RABGAP1: variants seen among roughly 807,000 people sequenced by gnomAD.
RABGAP1 encodes RAB GTPase activating protein 1.
A neutral mutation model predicts 137.6 loss-of-function variants in RABGAP1; 23 were observed. The observed-to-expected ratio is 0.17, with a 90% CI of 0.12 to 0.24. The LOEUF (loss-of-function observed/expected upper bound fraction) is 0.24, where lower values mean the gene tolerates loss of function less well. Ranked by LOEUF, RABGAP1 falls within the 10% of genes least tolerant of loss-of-function variation. The pLI is 1.00. For synonymous variants in RABGAP1, 451 were observed against 450.7 expected, an observed-to-expected ratio of 1.00 and a Z score of -0.01; for missense variants, 906 against 1,275.8, an observed-to-expected ratio of 0.71 and a Z score of 4.42.
chr9:122,946,139 A>C (rs28361534), intron 1 of RABGAP1: 1 of 152,160 alleles, frequency 6.6e-6, no homozygotes, highest in Non-Finnish European at 1.5e-5. Context: ...ACGAGATAGC[A>C]TACTGGAAGG....
chr9:122,942,469 AGACCAGCCTGT>A (rs1436992308), intron 1 of RABGAP1, among the ~76,000 whole-genome samples: 1 of 152,158 alleles, frequency 6.6e-6, no homozygotes, highest in Non-Finnish European at 1.5e-5. Context: ...CAGGAGTTCG[AGACCAGCCTGT>A]CCAATATGGT....
chr9:122,979,200 T>C (rs1051360950), intron 2 of RABGAP1, among the ~76,000 whole-genome samples: 5 of 152,176 alleles, frequency 3.3e-5, no homozygotes, highest in African/African-American at 1.2e-4. Context: ...GCCCAGACTA[T>C]AGTCATTCTT....
intron 4 of RABGAP1, 72 bp from the exon 5 acceptor site, chr9:122,989,225 A>G (rs1297894656): frequency 2.2e-6 from 3 of 1,362,930 alleles, no homozygotes; most frequent in South Asian, 2.4e-5. Flanking sequence ...AATGAGTCTC[A>G]CATCTTAATC....
intron 13 of RABGAP1, among the ~76,000 whole-genome samples, chr9:123,063,912 C>T (rs1262245992): frequency 6.6e-6 from 1 of 151,816 alleles, no homozygotes; most frequent in Non-Finnish European, 1.5e-5. Context: ...ATTTATAATT[C>T]ATATCTCATA....
chr9:122,969,813 A>G (rs1311891638), intron 2 of RABGAP1, among the ~76,000 whole-genome samples: 1 of 152,158 alleles, frequency 6.6e-6, no homozygotes, highest in Admixed American at 6.5e-5. Flanking sequence ...TGATCCTCCC[A>G]CACTGACCTC....
chr9:122,981,738 A>T (rs577709762), intron 2 of RABGAP1, among the ~76,000 whole-genome samples: 2 of 152,314 alleles, frequency 1.3e-5, no homozygotes, highest in East Asian at 3.9e-4. Context: ...CTTAAAAATA[A>T]AAAAGAACTT....
the RABGAP1 span, among the ~76,000 whole-genome samples, chr9:122,933,089 T>C: frequency 5.3e-5 from 8 of 152,304 alleles, no homozygotes; most frequent in East Asian, 1.2e-3. Context: ...CTTTTAAGTA[T>C]AGCTGGTTTA....
intron 21 of RABGAP1, among the ~76,000 whole-genome samples, chr9:123,093,431 C>T (rs1485182346): frequency 2.6e-5 from 4 of 152,204 alleles, no homozygotes; most frequent in African/African-American, 9.6e-5. Flanking sequence ...ATGTCCGAGT[C>T]CCCTCTAGCA....
intron 3 of RABGAP1, among the ~76,000 whole-genome samples, chr9:122,985,611 C>CA (rs34147826): frequency 0.74 from 67,321 of 91,182 alleles, 25,564 homozygotes; most frequent in Middle Eastern, 0.89. Context: ...GACTCCGTCT[C>CA]AAAAAAAAAA....
intron 1 of RABGAP1, among the ~76,000 whole-genome samples, chr9:122,948,042 AACACAC>A (rs55683114): frequency 0.017 from 2,427 of 146,030 alleles, 35 homozygotes; most frequent in South Asian, 0.062. Context: ...GAGCCAGGAA[AACACAC>A]ACACACACAC....
intron 6 of RABGAP1, among the ~76,000 whole-genome samples, chr9:122,992,364 T>A (rs1836772752): frequency 6.6e-6 from 1 of 152,154 alleles, no homozygotes; most frequent in African/African-American, 2.4e-5. Context: ...AAAATATTTA[T>A]GTAGTTTTGG....
intron 21 of RABGAP1, among the ~76,000 whole-genome samples, chr9:123,095,483 T>G (rs1275862805): frequency 1.3e-5 from 2 of 152,138 alleles, no homozygotes; most frequent in Non-Finnish European, 2.9e-5. Context: ...GAAGATTGCT[T>G]GAGCCCAAGA....
intron 19 of RABGAP1, among the ~76,000 whole-genome samples, chr9:123,079,223 T>TG (rs1176799403): frequency 2.8e-5 from 1 of 35,544 alleles, no homozygotes. Flanking sequence ...GTTTTTTTGT[T>TG]TTTTTGTTTT....
intron 17 of RABGAP1, among the ~76,000 whole-genome samples, chr9:123,075,513 T>G (rs1483611797): frequency 1.3e-5 from 2 of 152,202 alleles, no homozygotes; most frequent in African/African-American, 4.8e-5. Context: ...TTACCAAATA[T>G]GCCGTTTTTC....
chr9:122,989,615 CA>C (rs1471328087), intron 5 of RABGAP1, 144 bp downstream of exon 5: 1 of 839,910 alleles, frequency 1.2e-6, no homozygotes, highest in Non-Finnish European at 1.8e-6. Flanking sequence ...CCTCATGGGC[CA>C]AAATATAAAT....
chr9:123,012,208 T>C (rs2030868042), intron 11 of RABGAP1, among the ~76,000 whole-genome samples: 1 of 152,236 alleles, frequency 6.6e-6, no homozygotes, highest in Non-Finnish European at 1.5e-5. Flanking sequence ...ATTTAAGTCA[T>C]ATGTTATATC....
At chr9:123,058,374 G>A (rs1230496229) in intron 13 of RABGAP1, among the ~76,000 whole-genome samples, 1 of 151,948 alleles carries the variant, frequency 6.6e-6, no homozygotes, top group Non-Finnish European at 1.5e-5. Context: ...AAAATAAATG[G>A]TTATAACCTA....
intron 16 of RABGAP1, 150 bp from the exon 17 acceptor site, chr9:123,074,135 C>A: frequency 2.3e-6 from 2 of 866,746 alleles, no homozygotes; most frequent in Non-Finnish European, 3.4e-6. Context: ...AGCTTAATAC[C>A]AGATGATAAG....
chr9:123,039,441 G>A (rs1237940704), intron 13 of RABGAP1, among the ~76,000 whole-genome samples: 2 of 152,132 alleles, frequency 1.3e-5, no homozygotes, highest in Admixed American at 1.3e-4. Flanking sequence ...AAATGACTCT[G>A]TAATTATTGC....
Sources: allele counts gnomAD v4.1 joint callset (sites outside exome capture counted in the v4.1 genomes callset), GRCh38; gene constraint gnomAD v4.1.1; transcripts MANE v1.5; gene names NCBI Gene and HGNC (gene_info 2026-07-23, HGNC 2026-07-21).